ROBO2: variants seen among roughly 807,000 people sequenced by gnomAD.
The protein encoded by ROBO2 is roundabout guidance receptor 2, also known as roundabout homolog 2.
In ROBO2, 53 loss-of-function variants were observed where a neutral mutation model predicts 160.8. The observed-to-expected ratio is 0.33, with a 90% CI of 0.26 to 0.41. ROBO2 has a LOEUF of 0.41. Among genes scored for constraint, ROBO2 ranks in the 10% least tolerant of loss-of-function variants. ROBO2 has a pLI of 1.00. For synonymous variants in ROBO2, 664 were observed against 611.7 expected, an observed-to-expected ratio of 1.09 and a Z score of -1.26; for missense variants, 1,577 against 1,722.4, an observed-to-expected ratio of 0.92 and a Z score of 1.49.
At chr3:75,986,114 G>C (rs187367405) in intron 2 of ROBO2, among the ~76,000 whole-genome samples, 1 of 151,494 alleles carries the variant, frequency 6.6e-6, no homozygotes, top group Admixed American at 6.6e-5. Flanking sequence ...AAGAACTGAC[G>C]TACTGCTTTC....
chr3:77,457,500 T>C (rs1266538049), intron 2 of ROBO2, among the ~76,000 whole-genome samples: 1 of 152,164 alleles, frequency 6.6e-6, no homozygotes, highest in East Asian at 1.9e-4. Flanking sequence ...AAAATGCCTA[T>C]ATATAAATAC....
chr3:77,175,666 T>C (rs1183593843), intron 2 of ROBO2, among the ~76,000 whole-genome samples: 1 of 151,890 alleles, frequency 6.6e-6, no homozygotes, highest in Admixed American at 6.6e-5. Flanking sequence ...GAGAATGGTT[T>C]AGGTAGCATT....
chr3:76,471,317 T>C (rs936482866), intron 2 of ROBO2, among the ~76,000 whole-genome samples: 1 of 152,178 alleles, frequency 6.6e-6, no homozygotes, highest in African/African-American at 2.4e-5. Flanking sequence ...GAGCTGCTTC[T>C]AGTAGGTTTA....
intron 2 of ROBO2, among the ~76,000 whole-genome samples, chr3:76,678,700 C>T (rs551149321): frequency 6.6e-6 from 1 of 152,032 alleles, no homozygotes; most frequent in Admixed American, 6.6e-5. Flanking sequence ...TGCAGTGCTC[C>T]ATTAAAAAAG....
chr3:77,273,671 A>G (rs2059644564), intron 2 of ROBO2, among the ~76,000 whole-genome samples: 1 of 152,212 alleles, frequency 6.6e-6, no homozygotes, highest in South Asian at 2.1e-4. Context: ...ATGCTAAATA[A>G]AAGAAGACAG....
chr3:76,941,574 A>G (rs1188709200), intron 2 of ROBO2, among the ~76,000 whole-genome samples: 1 of 152,206 alleles, frequency 6.6e-6, no homozygotes, highest in Non-Finnish European at 1.5e-5. Flanking sequence ...TTGATGCATG[A>G]TGTACAATTA....
At chr3:77,623,967 T>A (rs1428262864) in intron 23 of ROBO2, among the ~76,000 whole-genome samples, 2 of 152,188 alleles carry the variant, frequency 1.3e-5, no homozygotes, top group African/African-American at 4.8e-5. Context: ...ACCTGTGACA[T>A]GTTAGGCTGC....
chr3:77,140,846 C>T (rs2076646105), intron 2 of ROBO2, among the ~76,000 whole-genome samples: 1 of 152,072 alleles, frequency 6.6e-6, no homozygotes, highest in African/African-American at 2.4e-5. Flanking sequence ...TTCAAAGAAA[C>T]CTATAATAAC....
intron 2 of ROBO2, among the ~76,000 whole-genome samples, chr3:76,144,949 A>G (rs1438770766): frequency 6.6e-6 from 1 of 151,992 alleles, no homozygotes; most frequent in Non-Finnish European, 1.5e-5. Flanking sequence ...CTTGGTGAAA[A>G]TGACCTTGTC....
At chr3:76,848,838 C>T (rs553546911) in intron 2 of ROBO2, among the ~76,000 whole-genome samples, 5 of 152,196 alleles carry the variant, frequency 3.3e-5, no homozygotes, top group East Asian at 1.9e-4. Context: ...TTTCAACATA[C>T]GAATATTGGG....
At chr3:77,162,655 T>C (rs2078598568) in intron 2 of ROBO2, among the ~76,000 whole-genome samples, 1 of 152,180 alleles carries the variant, frequency 6.6e-6, no homozygotes, top group Admixed American at 6.5e-5. Context: ...ACCATCTCCC[T>C]CTTTTATGAA....
intron 2 of ROBO2, among the ~76,000 whole-genome samples, chr3:76,365,283 T>TA (rs2075750237): frequency 2.0e-5 from 3 of 152,024 alleles, no homozygotes; most frequent in African/African-American, 7.2e-5. Context: ...TTTGATCTGA[T>TA]AAAAAATACG....
chr3:76,578,804 A>T (rs1226177603), intron 2 of ROBO2, among the ~76,000 whole-genome samples: 5 of 152,136 alleles, frequency 3.3e-5, no homozygotes, highest in African/African-American at 7.2e-5. Context: ...CGGCATCTGT[A>T]ACTGGACACC....
At chr3:76,567,638 T>TACAC (rs1240765878) in intron 2 of ROBO2, among the ~76,000 whole-genome samples, 1 of 90,058 alleles carries the variant, frequency 1.1e-5, no homozygotes, top group African/African-American at 4.1e-5. Context: ...TATATATATA[T>TACAC]ATATATATAT....
Position 76,412,155 on chromosome 3 carries a change from A to G in ROBO2, c.109+474553A>G, listed in dbSNP as rs1234308965. 4.6e-5 allele frequency among the ~76,000 whole-genome samples: 7 copies of G among 152,306 alleles called. No individual in the cohort carries two copies. The East Asian group carries it at 1.4e-3, about 29-fold the overall frequency. ...AGCAGAAACCACTGATAAACCCATC[A>G]GATCTTGTGAGATTTATTGACTATC... On this transcript the variant is annotated intron_variant, in intron 2 of 26. Transcript: ENST00000487694.
At chr3:76,824,175 T>C (rs1175205219) in intron 2 of ROBO2, among the ~76,000 whole-genome samples, 1 of 152,146 alleles carries the variant, frequency 6.6e-6, no homozygotes. Flanking sequence ...CCTCTCAAGT[T>C]CCAGAGAAGG....
intron 2 of ROBO2, among the ~76,000 whole-genome samples, chr3:77,308,025 G>C (rs918780542): frequency 2.0e-5 from 3 of 149,820 alleles, no homozygotes; most frequent in Non-Finnish European, 4.4e-5. Context: ...ATTTCTTCTA[G>C]AAACCACCTG....
chr3:77,303,885 C>T (rs890845994), intron 2 of ROBO2, among the ~76,000 whole-genome samples: 1 of 152,134 alleles, frequency 6.6e-6, no homozygotes, highest in South Asian at 2.1e-4. Context: ...GATTACTAAA[C>T]ATTTTGAGAA....
chr3:77,132,755 T>C (rs114131288), intron 2 of ROBO2, among the ~76,000 whole-genome samples: 88 of 152,088 alleles, frequency 5.8e-4, no homozygotes, highest in African/African-American at 2.0e-3. Context: ...ATGTCTACAA[T>C]ACTGTGAGGC....
Sources: allele counts gnomAD v4.1 joint callset (sites outside exome capture counted in the v4.1 genomes callset), GRCh38; gene constraint gnomAD v4.1.1; transcripts MANE v1.5; gene names NCBI Gene and HGNC (gene_info 2026-07-23, HGNC 2026-07-21).